Variants in NEDD4L observed in about 807,000 individuals in gnomAD.
NEDD4L encodes the protein NEDD4 like E3 ubiquitin protein ligase.
In NEDD4L, 54 loss-of-function variants were observed where a neutral mutation model predicts 148.9. The ratio of observed to expected loss-of-function variants is 0.36; its 90% confidence interval spans 0.29 to 0.45. The LOEUF (loss-of-function observed/expected upper bound fraction) is 0.45. Among genes scored for constraint, NEDD4L ranks in the 20% least tolerant of loss-of-function variants. The pLI is 1.00. For synonymous variants in NEDD4L, 433 were observed against 440.7 expected, an observed-to-expected ratio of 0.98 and a Z score of 0.22; for missense variants, 856 against 1,233.8, an observed-to-expected ratio of 0.69 and a Z score of 4.59.
intron 16 of NEDD4L, among the ~76,000 whole-genome samples, chr18:58,347,999 T>C (rs565317164): frequency 6.6e-6 from 1 of 152,188 alleles, no homozygotes; most frequent in East Asian, 1.9e-4. Context: ...GGATTCTCCT[T>C]TTTATGTTTT....
chr18:58,083,737 G>A (rs1270199246), intron 1 of NEDD4L, among the ~76,000 whole-genome samples: 2 of 152,102 alleles, frequency 1.3e-5, no homozygotes, highest in African/African-American at 2.4e-5. Flanking sequence ...TCAAATGTTC[G>A]TCAGCTGATG....
At chr18:58,288,921 A>C (rs1375852784) in intron 5 of NEDD4L, among the ~76,000 whole-genome samples, 1 of 152,200 alleles carries the variant, frequency 6.6e-6, no homozygotes, top group Non-Finnish European at 1.5e-5. Flanking sequence ...TTCTTACACC[A>C]CACACCCAGA....
In NEDD4L at chr18:58,256,509, C is replaced by A. The variant is rs979282877; in HGVS notation, c.297+4455C>A. 2 of 1,232,288 alleles carry A rather than the reference C, an allele frequency of 1.6e-6. No individual in the cohort carries two copies. The highest frequency in any genetic ancestry group is 3.1e-5 in the African/African-American group (2 of 64,554). The allele number at this position is 1,232,288 out of a possible 1,614,324, so 76.3% of individuals were successfully genotyped here. ...AGGAGCACCTCGTACCCCACGCAGC[C>A]CCGAAGCGAGCGAGGGAGCCCCACG... On this transcript the variant is annotated intron_variant, in intron 5 of 30. Transcript: ENST00000400345. This position sits in a 1 kb window ranked among gnomAD's most constrained non-coding sequence, Gnocchi z 5.2.
chr18:58,244,870 A>AT (rs1325866047), intron 2 of NEDD4L, among the ~76,000 whole-genome samples: 4 of 151,744 alleles, frequency 2.6e-5, no homozygotes, highest in African/African-American at 9.7e-5. Context: ...TGATTTTTGT[A>AT]TTTTTAGTAG....
intron 6 of NEDD4L, among the ~76,000 whole-genome samples, chr18:58,320,598 G>A (rs1025948816): frequency 1.3e-5 from 2 of 152,180 alleles, no homozygotes; most frequent in African/African-American, 4.8e-5. Flanking sequence ...AGGACGTCTT[G>A]AGCTCAGGAG....
intron 13 of NEDD4L, 69 bp from the exon 14 acceptor site, chr18:58,340,969 C>A: frequency 2.0e-6 from 3 of 1,470,546 alleles, no homozygotes; most frequent in South Asian, 1.3e-5. Flanking sequence ...CTGGGTGTAC[C>A]TTACTTTATT....
intron 2 of NEDD4L, among the ~76,000 whole-genome samples, chr18:58,179,167 G>A (rs150128648): frequency 6.4e-4 from 97 of 152,244 alleles, no homozygotes; most frequent in African/African-American, 2.2e-3. Flanking sequence ...TTTCTTCCAC[G>A]GTGGTGTACT....
intron 2 of NEDD4L, among the ~76,000 whole-genome samples, chr18:58,229,486 T>C (rs951319632): frequency 6.6e-6 from 1 of 152,110 alleles, no homozygotes; most frequent in African/African-American, 2.4e-5. Flanking sequence ...CATGTCTCTG[T>C]TTGTGCTAAT....
chr18:58,191,316 A>G (rs1329134210), intron 2 of NEDD4L, among the ~76,000 whole-genome samples: 1 of 152,144 alleles, frequency 6.6e-6, no homozygotes, highest in South Asian at 2.1e-4. Flanking sequence ...CAGTAATGCT[A>G]TTTGACATGC....
chr18:58,284,411 T>G (rs2053603992), intron 5 of NEDD4L, among the ~76,000 whole-genome samples: 1 of 152,172 alleles, frequency 6.6e-6, no homozygotes, highest in Non-Finnish European at 1.5e-5. Context: ...AACTCAGTAT[T>G]AGCAAGAAGA....
At chr18:58,255,189 A>G (rs1750694124) in intron 5 of NEDD4L, among the ~76,000 whole-genome samples, 1 of 152,092 alleles carries the variant, frequency 6.6e-6, no homozygotes, top group Admixed American at 6.5e-5. Context: ...TGTGGTTTAG[A>G]TTTATAGCAG....
chr18:58,245,674 CTTTTTTTTTTT>C (rs57282316), intron 3 of NEDD4L, among the ~76,000 whole-genome samples, 166 bp downstream of exon 3: 44 of 89,274 alleles, frequency 4.9e-4, no homozygotes, highest in Non-Finnish European at 7.3e-4. Context: ...CACTTTTTCT[CTTTTTTTTTTT>C]TTTTTTTTTT....
rs1198703573 is a variant in NEDD4L at position 58,366,401 on chromosome 18, G to C, written c.2063+173G>C. The stretch of plus-strand genomic sequence containing the variant: ...CTAGAACAGGTTCTGACTCTACGTG[G>C]TGAAATAGTGTACTCTGCGAACATC... On this transcript the variant is annotated intron_variant, in intron 21 of 30. Transcript: ENST00000400345. This position sits in a 1 kb window ranked among gnomAD's most constrained non-coding sequence, Gnocchi z 4.2. Among the ~76,000 whole-genome samples the C allele has an allele frequency of 6.6e-6, 1 of 152,190 alleles. No individual in the cohort carries two copies. Among genetic ancestry groups the C allele is most frequent in the South Asian group, 2.1e-4 (1 of 4,822 alleles).
rs576053883 is a variant in NEDD4L, at chr18:58,131,015, A to G, written c.49-34773A>G. 3.6e-4 allele frequency among the ~76,000 whole-genome samples: 43 copies of G among 120,508 alleles called. 1 individual carries two copies. The highest frequency in any genetic ancestry group is 1.3e-3 in the African/African-American group (39 of 30,082). The allele number at this position is 120,508 out of a possible 152,430, so 79.1% of individuals were successfully genotyped here. On this transcript the variant is annotated intron_variant, in intron 1 of 30. Coordinates refer to ENST00000400345, the MANE Select transcript of NEDD4L (RefSeq NM_001144967.3). Reference sequence around the variant, plus strand: ...GTTTGGTTGACTGTGATCTAGCAGAACAGTGGCGGTGTTGGGCTCTGTTGG... The same window carrying G: ...GTTTGGTTGACTGTGATCTAGCAGAGCAGTGGCGGTGTTGGGCTCTGTTGG...
chr18:58,153,201 TA>T (rs142987456), intron 1 of NEDD4L, among the ~76,000 whole-genome samples: 33,428 of 147,608 alleles, frequency 0.23, 4,296 homozygotes, highest in Middle Eastern at 0.38. Flanking sequence ...AATTTTTTTT[TA>T]AAAAAATGAC....
chr18:58,074,028 G>T (rs116862218), intron 1 of NEDD4L, among the ~76,000 whole-genome samples: 6 of 152,244 alleles, frequency 3.9e-5, no homozygotes, highest in Non-Finnish European at 5.9e-5. Context: ...CTGTCCACTG[G>T]ACTGCCACTG....
At chr18:58,079,808 G>T (rs986610587) in intron 1 of NEDD4L, among the ~76,000 whole-genome samples, 12 of 152,178 alleles carry the variant, frequency 7.9e-5, no homozygotes, top group Non-Finnish European at 1.3e-4. Context: ...AACTCTGTAC[G>T]GAATGTGTCA....
intron 1 of NEDD4L, among the ~76,000 whole-genome samples, chr18:58,059,999 A>G (rs1343333435): frequency 2.6e-5 from 4 of 152,116 alleles, no homozygotes; most frequent in Admixed American, 1.3e-4. Flanking sequence ...CAAGGAGGTT[A>G]AATAACTTGC....
chr18:58,231,447 G>A (rs979543531), intron 2 of NEDD4L, among the ~76,000 whole-genome samples: 2 of 151,998 alleles, frequency 1.3e-5, no homozygotes, highest in African/African-American at 2.4e-5. Flanking sequence ...CCAAGGCCAT[G>A]GGGGGAAAGC....
Sources: gnomAD v4.1 joint callset for allele counts (sites outside exome capture counted in the v4.1 genomes callset) on GRCh38, gnomAD v4.1.1 for gene constraint, Gnocchi (gnomAD v3.1) non-coding constraint, MANE v1.5 for transcripts, NCBI Gene and HGNC (gene_info 2026-07-23, HGNC 2026-07-21) for gene names.